CADPS2: variants seen among roughly 807,000 people sequenced by gnomAD.
CADPS2 encodes calcium-dependent secretion activator 2.
A neutral mutation model predicts 172.5 loss-of-function variants in CADPS2; 93 were observed. That is an observed-to-expected ratio of 0.54 (90% CI 0.46 to 0.64). The LOEUF (loss-of-function observed/expected upper bound fraction) is 0.64, where lower values mean the gene tolerates loss of function less well. Among genes scored for constraint, CADPS2 ranks in the 30% least tolerant of loss-of-function variants. The pLI is 0.00. For synonymous variants in CADPS2, 546 were observed against 555.2 expected (o/e 0.98, Z 0.23); for missense variants, 1,420 against 1,565.9 (o/e 0.91, Z 1.57).
chr7:122,759,085 A>G (rs1027235509), intron 1 of CADPS2, among the ~76,000 whole-genome samples: 3 of 152,110 alleles, frequency 2.0e-5, no homozygotes, highest in African/African-American at 7.2e-5. Context: ...CTACATTTCT[A>G]TGAAGTTGAG....
At chr7:122,416,262 G>T (rs981354479) in intron 17 of CADPS2, 98 bp from the exon 18 acceptor site, 2 of 434,452 alleles carry the variant, frequency 4.6e-6, no homozygotes, top group East Asian at 3.8e-5. Flanking sequence ...AATAGAATGA[G>T]AAATAAGAAA....
At chr7:122,600,903 T>C (rs2072664836) in intron 6 of CADPS2, among the ~76,000 whole-genome samples, 2 of 152,034 alleles carry the variant, frequency 1.3e-5, no homozygotes, top group Admixed American at 6.6e-5. Context: ...ATGTGAACAT[T>C]TTGGGTTTTC....
At chr7:122,473,341 CAG>C (rs1206890380) in intron 13 of CADPS2, among the ~76,000 whole-genome samples, 2 of 152,134 alleles carry the variant, frequency 1.3e-5, no homozygotes, top group African/African-American at 4.8e-5. Context: ...GTGGCTGCGC[CAG>C]AGTCTCCGAG....
chr7:122,451,359 T>TA lies in CADPS2; in HGVS notation c.2288+14dup. On this transcript the variant is annotated intron_variant, in intron 15 of 29. Transcript: ENST00000449022. The stretch of plus-strand genomic sequence containing the variant: ...GTATGAAAAGAAATATTTATATTAA[T>TA]AAAAAAATATATACCTGAAATGGCT... 1 of 1,293,674 alleles carries TA rather than the reference T, an allele frequency of 7.7e-7. No individual in the cohort carries two copies. Among genetic ancestry groups the TA allele is most frequent in the Non-Finnish European group, 1.0e-6 (1 of 955,374 alleles). 80.1% of individuals were successfully genotyped at this position (1,293,674 alleles called of 1,614,324 possible). A position where few individuals can be genotyped will look rare whatever the true frequency, so the allele number is the denominator to read the frequency against.
At chr7:122,454,301 G>A (rs908796499) in intron 14 of CADPS2, among the ~76,000 whole-genome samples, 2 of 150,986 alleles carry the variant, frequency 1.3e-5, no homozygotes, top group Non-Finnish European at 2.9e-5. Context: ...TTCCAAAAGA[G>A]AAGGCTGCTG....
At chr7:122,386,357 A>G in intron 24 of CADPS2, 1 of 1,200,850 alleles carries the variant, frequency 8.3e-7, no homozygotes, top group Non-Finnish European at 1.1e-6. Flanking sequence ...AAGAGAACAG[A>G]AGGGAAGAAT....
intron 28 of CADPS2, among the ~76,000 whole-genome samples, chr7:122,338,350 C>T (rs1254153832): frequency 6.6e-6 from 1 of 152,064 alleles, no homozygotes. Flanking sequence ...GCTGAGATTG[C>T]GCCACTGCAC....
chr7:122,720,953 G>A (rs563730646), intron 2 of CADPS2, among the ~76,000 whole-genome samples: 47 of 152,100 alleles, frequency 3.1e-4, no homozygotes, highest in African/African-American at 1.0e-3. Context: ...ATATGTGCCA[G>A]GCGTTGTGTT....
chr7:122,845,806 T>C (rs1244494443), intron 1 of CADPS2, among the ~76,000 whole-genome samples: 2 of 152,144 alleles, frequency 1.3e-5, no homozygotes, highest in Non-Finnish European at 2.9e-5. Context: ...ACTTGATAAA[T>C]TGTCCATGTT....
chr7:122,330,629 T>G (rs2150803136), intron 28 of CADPS2: 1 of 152,328 alleles, frequency 6.6e-6, no homozygotes, highest in East Asian at 1.9e-4. Context: ...GAGTAAGGGC[T>G]ATATTTAAGG....
At chr7:122,582,824 C>CA (rs1563770723) in intron 6 of CADPS2, among the ~76,000 whole-genome samples, 3 of 151,982 alleles carry the variant, frequency 2.0e-5, no homozygotes. Context: ...CATATAGAAA[C>CA]AGTCTAATAG....
At chr7:122,852,887 A>T (rs1263086805) in intron 1 of CADPS2, among the ~76,000 whole-genome samples, 3 of 152,178 alleles carry the variant, frequency 2.0e-5, no homozygotes, top group Non-Finnish European at 4.4e-5. Context: ...GATGGTAAGG[A>T]TGGAAGCAGA....
intron 17 of CADPS2, among the ~76,000 whole-genome samples, chr7:122,432,800 G>A (rs534122500): frequency 2.1e-3 from 313 of 151,980 alleles, no homozygotes; most frequent in Non-Finnish European, 3.2e-3. Context: ...GAGACTACAA[G>A]AGACTACAGT....
chr7:122,683,775 G>T (rs1249159122), intron 2 of CADPS2, among the ~76,000 whole-genome samples: 2 of 151,936 alleles, frequency 1.3e-5, no homozygotes, highest in Non-Finnish European at 2.9e-5. Flanking sequence ...TCCCAGTTGG[G>T]GCTGCTGTCT....
At chr7:122,362,085 AC>A (rs1437914039) in intron 25 of CADPS2, among the ~76,000 whole-genome samples, 1 of 152,112 alleles carries the variant, frequency 6.6e-6, no homozygotes, top group Non-Finnish European at 1.5e-5. Context: ...AAAAACAAAA[AC>A]AAAAACAAAA....
At chr7:122,545,984 C>A (rs2131753409) in intron 8 of CADPS2, among the ~76,000 whole-genome samples, 1 of 152,090 alleles carries the variant, frequency 6.6e-6, no homozygotes, top group Non-Finnish European at 1.5e-5. Context: ...TTTTAAGTAA[C>A]AAGCCGATCT....
At chr7:122,642,018 A>G (rs1448120704) in intron 3 of CADPS2, among the ~76,000 whole-genome samples, 8 of 152,088 alleles carry the variant, frequency 5.3e-5, no homozygotes, top group Non-Finnish European at 4.4e-5. Context: ...GGTGGCTCAA[A>G]CCTGTAATCC....
chr7:122,546,437 C>G (rs922994685), intron 8 of CADPS2, among the ~76,000 whole-genome samples: 3 of 152,160 alleles, frequency 2.0e-5, no homozygotes, highest in African/African-American at 7.2e-5. Context: ...AATAGACAAG[C>G]TTGGACTACT....
chr7:122,412,834 A>C (rs1457302081), intron 19 of CADPS2: 1 of 152,220 alleles, frequency 6.6e-6, no homozygotes, highest in African/African-American at 2.4e-5. Flanking sequence ...GATATACCAG[A>C]GTACAAGGAA....
Sources: gnomAD v4.1 joint callset for allele counts (sites outside exome capture counted in the v4.1 genomes callset) on GRCh38, gnomAD v4.1.1 for gene constraint, MANE v1.5 for transcripts, NCBI Gene and HGNC (gene_info 2026-07-23, HGNC 2026-07-21) for gene names.